The following ATP11A variants were observed in gnomAD, a reference collection of about 807,000 sequenced individuals.
ATP11A encodes ATPase phospholipid transporting 11A.
Under a neutral mutation model 154.4 loss-of-function variants are expected in ATP11A, and 81 were observed. The ratio of observed to expected loss-of-function variants is 0.52; its 90% CI spans 0.44 to 0.63. ATP11A has a LOEUF of 0.63. Among genes scored for constraint, ATP11A ranks in the 30% least tolerant of loss-of-function variants. The pLI is 0.00. For missense variants in ATP11A, 1,316 were observed against 1,474.3 expected, an observed-to-expected ratio of 0.89 and a Z score of 1.76; for synonymous variants, 623 against 585.9, an observed-to-expected ratio of 1.06 and a Z score of -0.91.
chr13:112,739,692 C>T (rs1373617895), intron 1 of ATP11A, among the ~76,000 whole-genome samples: 3 of 152,362 alleles, frequency 2.0e-5, no homozygotes, highest in African/African-American at 4.8e-5. Flanking sequence ...TTCTTGGCAG[C>T]ATTATTCATC....
intron 25 of ATP11A, 63 bp downstream of exon 25, chr13:112,862,638 T>C: frequency 1.2e-6 from 2 of 1,605,942 alleles, no homozygotes; most frequent in South Asian, 1.1e-5. Flanking sequence ...CAAGCCCATA[T>C]GATGATTTTG....
intron 1 of ATP11A, among the ~76,000 whole-genome samples, chr13:112,711,908 A>C (rs928592797): frequency 1.3e-5 from 2 of 152,156 alleles, no homozygotes; most frequent in Admixed American, 1.3e-4. Context: ...TCTGGAGCAC[A>C]TAGATAAGGA....
Position 112,825,517 on chromosome 13 carries a change from T to C in ATP11A, c.960T>C (p.Ser320=), listed in dbSNP as rs756745501. 1.2e-6 allele frequency: 2 copies of C among 1,613,766 alleles called. No homozygotes were observed. The highest frequency in any genetic ancestry group is 2.7e-5 in the African/African-American group (2 of 74,878). The change falls in exon 11 of 30, where the codon AGT becomes AGC. Residue 320 remains serine (S), a synonymous_variant. Coordinates refer to ENST00000375645, the MANE Select transcript of ATP11A (RefSeq NM_015205.3). ...INTVLKYMWQ[S]EPFRDEPWYN... is the part of the protein sequence containing the mutation. ...CTGTGCTGAAATACATGTGGCAGAG[T>C]GAGCCCTTTCGGGATGAGCCGTGGT...
At chr13:112,721,300 CT>C (rs1889148857) in intron 1 of ATP11A, among the ~76,000 whole-genome samples, 1 of 152,188 alleles carries the variant, frequency 6.6e-6, no homozygotes, top group African/African-American at 2.4e-5. Context: ...GTCAAGAAAA[CT>C]GTTTGTTTTG....
chr13:112,802,937 C>T (rs1463041407), intron 2 of ATP11A, among the ~76,000 whole-genome samples: 9 of 152,074 alleles, frequency 5.9e-5, no homozygotes. Flanking sequence ...GGCGGGATGA[C>T]CTAGGGAGGA....
chr13:112,842,946 C>T (rs573300896), intron 17 of ATP11A, among the ~76,000 whole-genome samples: 6 of 152,252 alleles, frequency 3.9e-5, no homozygotes, highest in African/African-American at 7.2e-5. Context: ...GGTAGGGGGC[C>T]GGCCTGAGTG....
chr13:112,861,820 CAT>C (rs560822561), intron 24 of ATP11A, among the ~76,000 whole-genome samples: 229 of 152,014 alleles, frequency 1.5e-3, no homozygotes, highest in African/African-American at 3.8e-3. Context: ...CTGTTCTAGA[CAT>C]GTGTCTGAAA....
chr13:112,700,987 GGAA>G (rs762920504), intron 1 of ATP11A, among the ~76,000 whole-genome samples: 1 of 152,212 alleles, frequency 6.6e-6, no homozygotes, highest in Non-Finnish European at 1.5e-5. Flanking sequence ...AGCGCTGTGG[GGAA>G]GAGGCTGGGC....
chr13:112,702,136 A>G (rs1488114940), intron 1 of ATP11A, among the ~76,000 whole-genome samples: 1 of 151,968 alleles, frequency 6.6e-6, no homozygotes, highest in African/African-American at 2.4e-5. Context: ...ACCTGAGGTC[A>G]GGAGTTCGAG....
intron 12 of ATP11A, among the ~76,000 whole-genome samples, chr13:112,828,277 T>C (rs1210485311): frequency 2.3e-5 from 3 of 131,584 alleles, no homozygotes; most frequent in African/African-American, 5.9e-5. Context: ...CCCAGCAGTG[T>C]TGAGTAGGGG....
At chr13:112,816,568 G>C (rs909655204) in intron 6 of ATP11A, among the ~76,000 whole-genome samples, 7 of 152,014 alleles carry the variant, frequency 4.6e-5, no homozygotes, top group Admixed American at 1.3e-4. Context: ...TAACCTACTC[G>C]ATGCGGCAAA....
intron 19 of ATP11A, among the ~76,000 whole-genome samples, chr13:112,854,978 G>T (rs2079880562): frequency 6.6e-6 from 1 of 152,212 alleles, no homozygotes; most frequent in Non-Finnish European, 1.5e-5. Flanking sequence ...AGAATATTCA[G>T]TAGTTTATTC....
At chr13:112,765,923 G>T (rs1594603343) in intron 1 of ATP11A, among the ~76,000 whole-genome samples, 1 of 152,384 alleles carries the variant, frequency 6.6e-6, no homozygotes, top group East Asian at 1.9e-4. Flanking sequence ...TCCCCCTTCT[G>T]AAGCCGCGGC....
chr13:112,798,183 C>A (rs185615013), intron 2 of ATP11A, among the ~76,000 whole-genome samples: 1 of 152,354 alleles, frequency 6.6e-6, no homozygotes, highest in East Asian at 1.9e-4. Context: ...GCCCCGCCTC[C>A]TGGGACCGTG....
chr13:112,819,801 G>C, intron 7 of ATP11A, 99 bp from the exon 8 acceptor site: 2 of 1,287,350 alleles, frequency 1.6e-6, no homozygotes, highest in South Asian at 1.2e-5. Flanking sequence ...AGCGGGCCAG[G>C]TGAAGACGTG....
At chr13:112,725,817 C>T (rs1302411817) in intron 1 of ATP11A, among the ~76,000 whole-genome samples, 1 of 152,228 alleles carries the variant, frequency 6.6e-6, no homozygotes, top group Non-Finnish European at 1.5e-5. Context: ...AGGTTTGGAA[C>T]AGATCCCTGC....
intron 28 of ATP11A, among the ~76,000 whole-genome samples, chr13:112,876,839 G>A (rs1034180837): frequency 6.6e-6 from 1 of 152,096 alleles, no homozygotes; most frequent in African/African-American, 2.4e-5. Context: ...CCGGGGGCTG[G>A]CTCCCAGCGG....
chr13:112,878,868 A>C (rs375714358), intron 29 of ATP11A, among the ~76,000 whole-genome samples: 34 of 152,358 alleles, frequency 2.2e-4, no homozygotes, highest in African/African-American at 7.5e-4. Context: ...GGAGACAAAG[A>C]GGGGACGGAA....
chr13:112,878,085 C>T, intron 28 of ATP11A, 132 bp from the exon 29 acceptor site: 1 of 836,528 alleles, frequency 1.2e-6, no homozygotes, highest in Admixed American at 2.0e-5. Flanking sequence ...GGTGGCGAGC[C>T]TCTGACTAAC....
Sources: allele counts gnomAD v4.1 joint callset (sites outside exome capture counted in the v4.1 genomes callset), GRCh38; gene constraint gnomAD v4.1.1; transcripts MANE v1.5; gene names NCBI Gene and HGNC (gene_info 2026-07-23, HGNC 2026-07-21).